GDPD5: variants seen among roughly 807,000 people sequenced by gnomAD.
GDPD5 encodes glycerophosphodiester phosphodiesterase domain containing 5, also known as glycerophosphodiester phosphodiesterase 2.
A neutral mutation model predicts 75.1 loss-of-function variants in GDPD5; 48 were observed. The ratio of observed to expected loss-of-function variants is 0.64; its 90% CI spans 0.51 to 0.81. GDPD5 has a LOEUF of 0.81. GDPD5 is among the 40% of genes least tolerant of loss of function. The pLI is 0.00. For synonymous variants in GDPD5, 336 were observed against 339.0 expected (o/e 0.99, Z 0.10); for missense variants, 706 against 822.6 (o/e 0.86, Z 1.73).
chr11:75,449,665 T>C (rs141520491), intron 7 of GDPD5, 55 bp from the exon 8 acceptor site: 10 of 1,518,976 alleles, frequency 6.6e-6, no homozygotes, highest in Non-Finnish European at 9.0e-6. Flanking sequence ...GCCCAGACCC[T>C]GTGTCACCAG....
intron 9 of GDPD5, among the ~76,000 whole-genome samples, chr11:75,446,969 C>T (rs530748868): frequency 6.6e-5 from 10 of 152,074 alleles, no homozygotes; most frequent in African/African-American, 1.9e-4. Context: ...CTGCAACCTC[C>T]GCCTCCCGGA....
At chr11:75,446,743 GAC>G (rs1362478898) in intron 9 of GDPD5, among the ~76,000 whole-genome samples, 1 of 152,114 alleles carries the variant, frequency 6.6e-6, no homozygotes, top group Admixed American at 6.5e-5. Flanking sequence ...AATGCACAGG[GAC>G]ACACAGAGGG....
chr11:75,441,131 GC>G (rs1172531120), intron 14 of GDPD5, 31 bp downstream of exon 14: 51 of 1,607,958 alleles, frequency 3.2e-5, no homozygotes, highest in Admixed American at 6.7e-5. Context: ...CTCCAGCACT[GC>G]CCCCCAGGGG....
chr11:75,513,234 G>A (rs1298076957), intron 1 of GDPD5, among the ~76,000 whole-genome samples: 2 of 152,162 alleles, frequency 1.3e-5, no homozygotes, highest in Non-Finnish European at 2.9e-5. Flanking sequence ...TCTATAAAGT[G>A]GGTCTGATAA....
chr11:75,449,162 G>A, intron 8 of GDPD5, 40 bp from the exon 9 acceptor site: 1 of 1,542,096 alleles, frequency 6.5e-7, no homozygotes, highest in Admixed American at 2.1e-5. Flanking sequence ...GGTGAGCCCT[G>A]GGCAGGTTGG....
intron 1 of GDPD5, among the ~76,000 whole-genome samples, chr11:75,509,964 G>A (rs1336100734): frequency 6.6e-6 from 1 of 152,236 alleles, no homozygotes. Context: ...ATAGGCATGA[G>A]CTACCACACC....
intron 1 of GDPD5, among the ~76,000 whole-genome samples, chr11:75,512,638 G>A (rs1950548919): frequency 6.6e-6 from 1 of 152,192 alleles, no homozygotes; most frequent in African/African-American, 2.4e-5. Context: ...CTTTAGAGCT[G>A]GGTGTGGTGG....
intron 2 of GDPD5, among the ~76,000 whole-genome samples, chr11:75,478,889 T>G (rs1949840766): frequency 6.6e-6 from 1 of 152,196 alleles, no homozygotes; most frequent in South Asian, 2.1e-4. Flanking sequence ...CAAGGAGCAA[T>G]GCCTGGCTGC....
At chr11:75,463,287 T>A (rs1949453728) in intron 3 of GDPD5, among the ~76,000 whole-genome samples, 1 of 152,176 alleles carries the variant, frequency 6.6e-6, no homozygotes, top group Non-Finnish European at 1.5e-5. Flanking sequence ...CTTCTCCACC[T>A]CTACCCCGTG....
chr11:75,515,499 C>T (rs904888828), intron 1 of GDPD5, among the ~76,000 whole-genome samples: 5 of 151,824 alleles, frequency 3.3e-5, no homozygotes, highest in African/African-American at 1.2e-4. Flanking sequence ...CCCAGCCCCA[C>T]GCTCCTCTTA....
At chr11:75,462,634 G>A (rs1592093721) in intron 4 of GDPD5, 152 bp downstream of exon 4, 1 of 627,276 alleles carries the variant, frequency 1.6e-6, no homozygotes, top group African/African-American at 1.8e-5. Flanking sequence ...GAGGCTCCCA[G>A]GGAGTAGGCC....
intron 10 of GDPD5, among the ~76,000 whole-genome samples, 188 bp downstream of exon 10, chr11:75,444,225 T>C (rs1001093518): frequency 1.3e-5 from 2 of 152,122 alleles, no homozygotes; most frequent in Non-Finnish European, 2.9e-5. Flanking sequence ...CCAAGAGCAT[T>C]TGTTCTTTCC....
Position 75,449,865 on chromosome 11 carries a change from G to T in GDPD5, c.474+20C>A. On this transcript the variant is annotated intron_variant, in intron 7 of 16. Transcript: ENST00000336898. ...GAAAGGCTCTTGTTGTGAGGGTCCT[G>T]GGGGACCCTCCTCACTCACCTGCAG... 1 of 1,598,088 alleles carries T rather than the reference G, an allele frequency of 6.3e-7. No homozygotes were observed. Among genetic ancestry groups the T allele is most frequent in the Non-Finnish European group, 8.6e-7 (1 of 1,165,786 alleles).
At chr11:75,485,591 A>C (rs1950006897) in intron 2 of GDPD5, 1 of 151,798 alleles carries the variant, frequency 6.6e-6, no homozygotes. Context: ...AATTCACCCA[A>C]GGCCAAACAG....
intron 2 of GDPD5, among the ~76,000 whole-genome samples, chr11:75,479,918 ATG>A (rs1205571478): frequency 1.1e-4 from 16 of 152,296 alleles, no homozygotes; most frequent in Admixed American, 4.6e-4. Context: ...ATTCTGTTGT[ATG>A]GATCTACCAC....
intron 13 of GDPD5, 146 bp from the exon 14 acceptor site, chr11:75,441,456 C>G: frequency 8.1e-7 from 1 of 1,228,594 alleles, no homozygotes; most frequent in African/African-American, 1.5e-5. Context: ...AGCTCCGGGA[C>G]AAGCCCGGGT....
intron 12 of GDPD5, 86 bp downstream of exon 12, chr11:75,442,277 G>A (rs749672358): frequency 2.2e-5 from 22 of 1,003,988 alleles, no homozygotes; most frequent in East Asian, 5.3e-5. Flanking sequence ...GCTGAAGTCC[G>A]GAGTGCAACA....
intron 2 of GDPD5, among the ~76,000 whole-genome samples, chr11:75,483,657 A>G (rs1447995658): frequency 6.6e-6 from 1 of 152,232 alleles, no homozygotes; most frequent in Non-Finnish European, 1.5e-5. Flanking sequence ...AAATGAGGTA[A>G]TACATGGAAG....
chr11:75,457,805 G>T lies in GDPD5; in HGVS notation c.222-19C>A. The T allele has an allele frequency of 6.2e-7, 1 of 1,600,812 alleles. No individual in the cohort carries two copies. The highest frequency in any genetic ancestry group is 8.6e-7 in the Non-Finnish European group (1 of 1,168,280). On this transcript the variant is annotated intron_variant, in intron 4 of 16. Coordinates refer to ENST00000336898, the MANE Select transcript of GDPD5 (RefSeq NM_030792.8). The stretch of plus-strand genomic sequence containing the variant: ...GAGGTACCTGCCAGGAGGAGAGGGG[G>T]CAGGGGTCAGACCTCCACCAGGCCA...
Sources: gnomAD v4.1 joint callset for allele counts (sites outside exome capture counted in the v4.1 genomes callset) on GRCh38, gnomAD v4.1.1 for gene constraint, MANE v1.5 for transcripts, NCBI Gene and HGNC (gene_info 2026-07-23, HGNC 2026-07-21) for gene names.